Variants in HACL1 observed in about 807,000 individuals in gnomAD.
HACL1 encodes the protein 2-hydroxyacyl-CoA lyase 1.
Under a neutral mutation model 74.2 loss-of-function variants are expected in HACL1, and 64 were observed. The observed-to-expected ratio is 0.86, with a 90% CI of 0.70 to 1.06. The LOEUF (loss-of-function observed/expected upper bound fraction) is 1.06. Ranked by LOEUF, HACL1 falls within the 50% of genes least tolerant of loss-of-function variation. HACL1 has a pLI of 0.00. For missense variants in HACL1, 728 were observed against 719.7 expected (o/e 1.01, Z -0.13); for synonymous variants, 230 against 238.8 (o/e 0.96, Z 0.34).
chr3:15,575,001 A>G lies in HACL1; in HGVS notation c.885T>C (p.Tyr295=), dbSNP rs1281360241. The change falls in exon 10 of 17, where the codon TAT becomes TAC. Residue 295 remains tyrosine (Y), a synonymous_variant. Coordinates refer to ENST00000321169, the MANE Select transcript of HACL1 (RefSeq NM_012260.4). ...WILHFGLPPR[Y]QPDVKFIQVD... is the part of the protein sequence containing the mutation. ...CCTGGATAAACTTCACATCTGGCTG[A>G]TATCTTGGAGGCAGTCCAAAATGTA... 3.8e-6 allele frequency: 6 copies of G among 1,559,898 alleles called. No homozygotes were observed. The highest frequency in any genetic ancestry group is 3.3e-5 in the Admixed American group (2 of 59,896).
intron 9 of HACL1, among the ~76,000 whole-genome samples, chr3:15,577,832 C>T (rs2063652485): frequency 6.6e-6 from 1 of 151,864 alleles, no homozygotes; most frequent in Non-Finnish European, 1.5e-5. Context: ...GGCGCAGTGG[C>T]TCACACCTGT....
At chr3:15,567,769 T>A (rs1323637124) in intron 14 of HACL1, 75 bp downstream of exon 14, 1 of 1,346,400 alleles carries the variant, frequency 7.4e-7, no homozygotes, top group Non-Finnish European at 1.1e-6. Context: ...TAAGTATTTG[T>A]CAGGTGACTG....
At chr3:15,595,259 A>T (rs1352102463) in intron 3 of HACL1, among the ~76,000 whole-genome samples, 1 of 152,222 alleles carries the variant, frequency 6.6e-6, no homozygotes, top group Non-Finnish European at 1.5e-5. Context: ...AATATTTGTC[A>T]TATGTAAATA....
chr3:15,588,173 G>A (rs1207547905), intron 5 of HACL1, among the ~76,000 whole-genome samples: 2 of 152,104 alleles, frequency 1.3e-5, no homozygotes, highest in African/African-American at 4.8e-5. Context: ...TGATTACAGG[G>A]GTGAGCCACC....
chr3:15,564,747 T>C (rs1173608886), intron 14 of HACL1, 89 bp from the exon 15 acceptor site: 6 of 603,220 alleles, frequency 9.9e-6, no homozygotes, highest in African/African-American at 1.9e-5. Flanking sequence ...TAAAAATGAA[T>C]AGTTTCCTAT....
At chr3:15,597,995 T>C (rs1202026507) in intron 2 of HACL1, among the ~76,000 whole-genome samples, 2 of 151,950 alleles carry the variant, frequency 1.3e-5, no homozygotes, top group African/African-American at 2.4e-5. Flanking sequence ...GTAACTGTTT[T>C]GTTTTGTTTT....
At chr3:15,581,937 C>T (rs1482693646) in intron 8 of HACL1, among the ~76,000 whole-genome samples, 5 of 152,146 alleles carry the variant, frequency 3.3e-5, no homozygotes, top group African/African-American at 4.8e-5. Context: ...TAATTATATC[C>T]TATTGAGGTA....
intron 14 of HACL1, 134 bp downstream of exon 14, chr3:15,567,710 C>T (rs2063461251): frequency 1.3e-6 from 1 of 783,548 alleles, no homozygotes; most frequent in Non-Finnish European, 2.1e-6. Flanking sequence ...CACTAGCATC[C>T]TCAGGACAGA....
Position 15,577,310 on chromosome 3 carries a change from C to T in HACL1, c.804-2228G>A, listed in dbSNP as rs540601894. 8.6e-5 allele frequency among the ~76,000 whole-genome samples: 13 copies of T among 152,020 alleles called. No homozygotes were observed. The South Asian group carries it at 2.7e-3, about 32-fold the overall frequency. On this transcript the variant is annotated intron_variant, in intron 9 of 16. Transcript: ENST00000321169. ...GTCCAGCCTGGGCAACACAGTGAGG[C>T]CCTGTCTCTACAAAATAAAAATCAA...
intron 3 of HACL1, among the ~76,000 whole-genome samples, chr3:15,595,463 A>G (rs1265734255): frequency 2.1e-5 from 3 of 145,278 alleles, no homozygotes; most frequent in African/African-American, 7.6e-5. Context: ...TAAAACTAAC[A>G]TATGTGAAAA....
chr3:15,579,319 C>T (rs2063682366), intron 9 of HACL1, among the ~76,000 whole-genome samples: 1 of 152,026 alleles, frequency 6.6e-6, no homozygotes, highest in Non-Finnish European at 1.5e-5. Context: ...AATTAATAAA[C>T]AAAGACTGCA....
chr3:15,596,253 T>A (rs1041995233), intron 3 of HACL1, 131 bp downstream of exon 3: 6 of 637,938 alleles, frequency 9.4e-6, no homozygotes, highest in African/African-American at 9.2e-5. Flanking sequence ...GAGTTTTAAA[T>A]GTTTTTTATC....
chr3:15,592,092 A>T (rs2063919668), intron 3 of HACL1, among the ~76,000 whole-genome samples: 1 of 140,144 alleles, frequency 7.1e-6, no homozygotes, highest in African/African-American at 3.0e-5. Flanking sequence ...ATATATACAC[A>T]CACTATATAC....
chr3:15,585,106 G>C, intron 7 of HACL1, 142 bp downstream of exon 7: 1 of 504,288 alleles, frequency 2.0e-6, no homozygotes, highest in South Asian at 3.1e-5. Context: ...CCTTTGGCTA[G>C]GATTCAGTTT....
intron 4 of HACL1, among the ~76,000 whole-genome samples, 174 bp from the exon 5 acceptor site, chr3:15,589,786 G>A (rs1254562118): frequency 2.6e-5 from 4 of 152,170 alleles, no homozygotes. Context: ...TTGTAATCCA[G>A]CACTTTGGGA....
intron 3 of HACL1, among the ~76,000 whole-genome samples, chr3:15,592,086 A>ACG (rs1414262632): frequency 4.3e-4 from 60 of 140,074 alleles, no homozygotes; most frequent in African/African-American, 1.7e-3. Context: ...ATACGTATAT[A>ACG]TACACACACT....
intron 8 of HACL1, among the ~76,000 whole-genome samples, chr3:15,582,255 C>T (rs6797119): frequency 0.28 from 43,238 of 152,008 alleles, 9,573 homozygotes; most frequent in African/African-American, 0.59. Context: ...TGACAATATA[C>T]ACTAAAAGTC....
At chr3:15,572,036 C>G (rs1429124384) in intron 11 of HACL1, among the ~76,000 whole-genome samples, 2 of 151,766 alleles carry the variant, frequency 1.3e-5, no homozygotes, top group Non-Finnish European at 2.9e-5. Flanking sequence ...GACGAAGTTT[C>G]ACCATGTTGG....
intron 14 of HACL1, among the ~76,000 whole-genome samples, chr3:15,565,847 A>G (rs1043149156): frequency 2.6e-5 from 4 of 152,240 alleles, no homozygotes; most frequent in Middle Eastern, 3.4e-3. Context: ...AATATTTGGG[A>G]AAAAAAATTG....
Sources: gnomAD v4.1 joint callset for allele counts (sites outside exome capture counted in the v4.1 genomes callset) on GRCh38, gnomAD v4.1.1 for gene constraint, MANE v1.5 for transcripts, NCBI Gene and HGNC (gene_info 2026-07-23, HGNC 2026-07-21) for gene names.